The following GOSR1 variants were observed in gnomAD, a reference collection of about 807,000 sequenced individuals.
GOSR1 encodes golgi SNAP receptor complex member 1.
In GOSR1, 21 loss-of-function variants were observed where a neutral mutation model predicts 35.5. The ratio of observed to expected loss-of-function variants is 0.59; its 90% CI spans 0.42 to 0.85. The LOEUF is 0.85. Among genes scored for constraint, GOSR1 ranks in the 40% least tolerant of loss-of-function variants. The pLI is 0.00. For missense variants in GOSR1, 285 were observed against 309.6 expected, an observed-to-expected ratio of 0.92 and a Z score of 0.60; for synonymous variants, 94 against 106.6, an observed-to-expected ratio of 0.88 and a Z score of 0.73.
At chr17:30,521,167 C>CTCTT (rs1555617868) in intron 8 of GOSR1, among the ~76,000 whole-genome samples, 21 of 64,228 alleles carry the variant, frequency 3.3e-4, no homozygotes, top group African/African-American at 1.1e-3. Context: ...TTCTCTCTCT[C>CTCTT]TTTTTTTTTT....
intron 4 of GOSR1, among the ~76,000 whole-genome samples, chr17:30,487,105 A>G (rs1914728906): frequency 6.6e-6 from 1 of 152,040 alleles, no homozygotes; most frequent in South Asian, 2.1e-4. Context: ...GATACTAGAG[A>G]AAAAAAATAA....
intron 1 of GOSR1, chr17:30,477,942 G>T (rs1914056252): frequency 1.0e-6 from 1 of 985,054 alleles, no homozygotes; most frequent in Non-Finnish European, 1.2e-6. Flanking sequence ...GAGGAAGTAT[G>T]AAGAGAATAG....
At chr17:30,479,911 G>T (rs1267439170) in intron 1 of GOSR1, 2 of 152,176 alleles carry the variant, frequency 1.3e-5, no homozygotes, top group Non-Finnish European at 2.9e-5. Context: ...GAGTTTAGGA[G>T]TTCGAGAGCA....
chr17:30,480,950 G>A, intron 1 of GOSR1, 193 bp from the exon 2 acceptor site: 1 of 441,254 alleles, frequency 2.3e-6, no homozygotes, highest in South Asian at 2.3e-5. Flanking sequence ...GACCTCAGGT[G>A]ATCCGCCCAC....
rs1968127408 is a variant in GOSR1, at chr17:30,523,664, TA to T, written c.*1287del. 1.4e-5 allele frequency: 2 copies of T among 138,234 alleles called. No individual in the cohort carries two copies. Among genetic ancestry groups the T allele is most frequent in the Admixed American group, 7.6e-5 (1 of 13,118 alleles). 8.6% of individuals were successfully genotyped at this position (138,234 alleles called of 1,614,324 possible). On this transcript the variant is annotated 3_prime_UTR_variant, in exon 9 of 9. Coordinates refer to ENST00000451249, the MANE Select transcript of GOSR1 (RefSeq NM_001007025.2). ...CCGGCCGCCCCTGCCCGGCCGCCCC[TA>T]CTGGGAAGTGAGGAGCCCCTCTGCC...
rs1484750009 is a variant in GOSR1 at position 30,484,225 on chromosome 17, C to A, written c.158C>A (p.Thr53Lys). 1.3e-5 allele frequency: 20 copies of A among 1,593,300 alleles called. No individual in the cohort carries two copies. Among genetic ancestry groups the A allele is most frequent in the Non-Finnish European group, 1.6e-5 (19 of 1,161,170 alleles). Residue 53 changes from threonine (T) to lysine (K), a missense_variant, in exon 3 of 9, where the codon ACA becomes AAA. Thr to Lys is a moderately conservative substitution (Grantham distance 78, BLOSUM62 -1). Around this residue, in one of 3 missense-constraint regions of GOSR1, gnomAD observed 108 missense variants for 98.9 expected, o/e 1.09. Transcript: ENST00000451249. Reference sequence around the variant, plus strand: ...GAACTTCTTTTTAGTTCTGATACAACACCCCTTTTAAATGGATCAAGCCAA... The same window carrying A: ...GAACTTCTTTTTAGTTCTGATACAAAACCCCTTTTAAATGGATCAAGCCAA... ...RDGRRDSSDT[T>K]PLLNGSSQDR...
intron 1 of GOSR1, 29 bp from the exon 2 acceptor site, chr17:30,481,113 TA>T: frequency 1.4e-6 from 2 of 1,458,136 alleles, no homozygotes; most frequent in Non-Finnish European, 1.9e-6. Flanking sequence ...TTTTTATGTC[TA>T]ATTATTTGTT....
intron 6 of GOSR1, among the ~76,000 whole-genome samples, chr17:30,503,182 A>C (rs996203932): frequency 6.6e-6 from 1 of 152,200 alleles, no homozygotes; most frequent in African/African-American, 2.4e-5. Flanking sequence ...AAGTTCTTAC[A>C]TTTTGTTGGT....
At chr17:30,486,895 TC>T (rs1308851828) in intron 4 of GOSR1, among the ~76,000 whole-genome samples, 2 of 152,146 alleles carry the variant, frequency 1.3e-5, no homozygotes, top group East Asian at 1.9e-4. Flanking sequence ...TTGCATGACA[TC>T]CCAGTGGAAA....
chr17:30,516,297 C>T (rs1218107278), intron 7 of GOSR1, among the ~76,000 whole-genome samples: 2 of 151,850 alleles, frequency 1.3e-5, no homozygotes, highest in South Asian at 2.1e-4. Context: ...GGTGAAACCC[C>T]GTCTCTACTA....
At chr17:30,477,559 C>T in intron 1 of GOSR1, 95 bp downstream of exon 1, 1 of 1,449,240 alleles carries the variant, frequency 6.9e-7, no homozygotes, top group Middle Eastern at 1.9e-4. Flanking sequence ...AAGAACCAGA[C>T]TCCCGGAGCG....
At chr17:30,483,936 C>T (rs1914511747) in intron 2 of GOSR1, among the ~76,000 whole-genome samples, 1 of 152,186 alleles carries the variant, frequency 6.6e-6, no homozygotes, top group Non-Finnish European at 1.5e-5. Flanking sequence ...AAGCCAGTTC[C>T]TGAGTATTCG....
intron 6 of GOSR1, among the ~76,000 whole-genome samples, chr17:30,493,160 A>G (rs1208646883): frequency 6.6e-6 from 1 of 151,766 alleles, no homozygotes; most frequent in Non-Finnish European, 1.5e-5. Context: ...ATGCCTGGCT[A>G]ATTTTTTTGT....
In GOSR1 at chr17:30,492,895, A is replaced by G. The variant is rs1049676684; in HGVS notation, c.509+142A>G. 6.9e-6 allele frequency: 4 copies of G among 576,808 alleles called. No individual in the cohort carries two copies. The East Asian group carries it at 8.7e-5, about 13-fold the overall frequency. 35.7% of individuals were successfully genotyped at this position (576,808 alleles called of 1,614,324 possible). On this transcript the variant is annotated intron_variant, in intron 6 of 8. Coordinates refer to ENST00000451249, the MANE Select transcript of GOSR1 (RefSeq NM_001007025.2). ...TTTATTCTCCTAATGACTCTTTTCA[A>G]TAGAAAAGGAATTGCAACTGTTCCA...
At chr17:30,516,473 C>CAAAAAA (rs1445420438) in intron 7 of GOSR1, among the ~76,000 whole-genome samples, 11 of 136,770 alleles carry the variant, frequency 8.0e-5, no homozygotes, top group African/African-American at 2.2e-4. Context: ...CCGTCTCAAA[C>CAAAAAA]AAAAAAAAAG....
chr17:30,497,331 T>G (rs1233425966), intron 6 of GOSR1, among the ~76,000 whole-genome samples: 8 of 152,234 alleles, frequency 5.3e-5, no homozygotes. Context: ...TTTATCTGAC[T>G]AAGATACCTT....
chr17:30,505,425 G>A (rs777363428), intron 6 of GOSR1, among the ~76,000 whole-genome samples: 10 of 151,994 alleles, frequency 6.6e-5, no homozygotes, highest in African/African-American at 1.2e-4. Flanking sequence ...ATAATACAAA[G>A]AAATCTCATG....
rs71360748 is a variant in GOSR1 at position 30,521,167 on chromosome 17, CTTTTTT to C, written c.623-1063_623-1058del. ...CATCTCTCCCATAAGTTCTCTCTCT[CTTTTTT>C]TTTTTTTTTTTTTTTTTTTTTTTAA... On this transcript the variant is annotated intron_variant, in intron 8 of 8. Coordinates refer to ENST00000451249, the MANE Select transcript of GOSR1 (RefSeq NM_001007025.2). Among the ~76,000 whole-genome samples, 571 of 64,282 alleles carry C rather than the reference CTTTTTT, an allele frequency of 8.9e-3. 5 individuals are homozygous for C. Among genetic ancestry groups the C allele is most frequent in the African/African-American group, 0.041 (545 of 13,186 alleles). The allele number at this position is 64,282 out of a possible 152,430, so 42.2% of individuals were successfully genotyped here.
intron 6 of GOSR1, among the ~76,000 whole-genome samples, chr17:30,504,418 AGTT>A (rs143182103): frequency 0.011 from 1,717 of 152,290 alleles, 33 homozygotes; most frequent in African/African-American, 0.039. Flanking sequence ...ATTTGAGGAT[AGTT>A]GTCAATCTCA....
Sources: gnomAD v4.1 joint callset for allele counts (sites outside exome capture counted in the v4.1 genomes callset) on GRCh38, gnomAD v4.1.1 for gene constraint, gnomAD v4.1.1 regional missense constraint, MANE v1.5 for transcripts, NCBI Gene and HGNC (gene_info 2026-07-23, HGNC 2026-07-21) for gene names.